The following MRTFA variants were observed in gnomAD, a reference collection of about 807,000 sequenced individuals.
The protein encoded by MRTFA is myocardin related transcription factor A.
MRTFA carries 20 observed loss-of-function variants against 83.5 expected under a neutral mutation model. The observed-to-expected ratio is 0.24, with a 90% CI of 0.17 to 0.35. The LOEUF is 0.35. MRTFA is among the 10% of genes least tolerant of loss of function. The pLI is 1.00. For missense variants in MRTFA, 1,200 were observed against 1,224.7 expected, an observed-to-expected ratio of 0.98 and a Z score of 0.30; for synonymous variants, 659 against 541.2, an observed-to-expected ratio of 1.22 and a Z score of -3.02.
At chr22:40,619,636 C>A (rs1185996859) in intron 1 of MRTFA, among the ~76,000 whole-genome samples, 1 of 151,854 alleles carries the variant, frequency 6.6e-6, no homozygotes, top group African/African-American at 2.4e-5. Context: ...ACACCTGTAA[C>A]CCCAGCACTT....
rs2052825897 is a variant in MRTFA, at chr22:40,421,001, G to A, written c.1027C>T (p.Pro343Ser). 2.5e-6 allele frequency: 4 copies of A among 1,604,544 alleles called. No homozygotes were observed. The highest frequency in any genetic ancestry group is 3.4e-5 in the Admixed American group (2 of 59,456). The change falls in exon 10 of 15, where the codon CCC becomes TCC. Residue 343 changes from proline to serine, a missense_variant. Transcript: ENST00000355630. ...CCCCTGTCCTGCTTCTGGTCCGGGG[G>A]GATGTACTGGTGGTACTTGAGCTTC...
chr22:40,539,536 C>A (rs1396360607), intron 3 of MRTFA, among the ~76,000 whole-genome samples: 1 of 135,642 alleles, frequency 7.4e-6, no homozygotes, highest in Non-Finnish European at 1.7e-5. Context: ...GACAGTCTTT[C>A]TCTGTAGCCA....
rs556711122 is a variant in MRTFA at position 40,576,279 on chromosome 22, C to T, written c.-22+18395G>A. ...CTCCTGACCTCAGGTGATCCACCTG[C>T]CTTGGCCTCCCAAAGTGCTGGGATT... On this transcript the variant is annotated intron_variant, in intron 2 of 14. Transcript: ENST00000355630. Among the ~76,000 whole-genome samples, 27 of 152,268 alleles carry T rather than the reference C, an allele frequency of 1.8e-4. No individual in the cohort carries two copies. The East Asian group carries it at 4.2e-3, about 24-fold the overall frequency.
chr22:40,502,152 G>A (rs1175562881), intron 3 of MRTFA, among the ~76,000 whole-genome samples: 13 of 141,544 alleles, frequency 9.2e-5, no homozygotes, highest in East Asian at 2.2e-4. Flanking sequence ...CTGGCCGGGC[G>A]GGGGGCTGAC....
At chr22:40,516,084 A>G (rs1166735705) in intron 3 of MRTFA, among the ~76,000 whole-genome samples, 1 of 152,174 alleles carries the variant, frequency 6.6e-6, no homozygotes, top group Non-Finnish European at 1.5e-5. Context: ...ATTTGCAAAC[A>G]TCTCAAGGAC....
At position 40,613,104 on chromosome 22, in the gene MRTFA, T is replaced by C. The variant is rs140369545; in HGVS notation, c.-83-18369A>G. On this transcript the variant is annotated intron_variant, in intron 1 of 14. Transcript: ENST00000355630. ...CTTATAAATGAAATCATATAGTAAG[T>C]TCTCTTTTGTTTTCTTTCACTCAAC... Among the ~76,000 whole-genome samples, 663 of 152,324 alleles carry C rather than the reference T, an allele frequency of 4.4e-3. 7 individuals are homozygous for C. Among genetic ancestry groups the C allele is most frequent in the African/African-American group, 0.015 (639 of 41,580 alleles).
chr22:40,547,710 T>C (rs549614748), intron 3 of MRTFA, among the ~76,000 whole-genome samples: 11 of 151,688 alleles, frequency 7.3e-5, no homozygotes, highest in Admixed American at 7.2e-4. Context: ...TAAAAATCAG[T>C]CTGGCGTGGT....
At chr22:40,494,599 C>T (rs1185699899) in intron 3 of MRTFA, among the ~76,000 whole-genome samples, 7 of 151,686 alleles carry the variant, frequency 4.6e-5, no homozygotes, top group South Asian at 2.1e-4. Context: ...GAGCATCACT[C>T]GAGCCCAGGG....
intron 7 of MRTFA, among the ~76,000 whole-genome samples, chr22:40,425,445 C>T (rs1293743699): frequency 1.3e-5 from 2 of 152,222 alleles, no homozygotes; most frequent in Non-Finnish European, 2.9e-5. Flanking sequence ...AGGAACAAAG[C>T]GCAACAGCTC....
intron 4 of MRTFA, among the ~76,000 whole-genome samples, chr22:40,437,297 G>A (rs1044708921): frequency 6.6e-5 from 10 of 152,006 alleles, no homozygotes; most frequent in East Asian, 5.8e-4. Flanking sequence ...GCAGGAACCC[G>A]GGTGTGATGC....
At chr22:40,470,232 TA>T (rs2053878051) in intron 3 of MRTFA, among the ~76,000 whole-genome samples, 1 of 2,498 alleles carries the variant, frequency 4.0e-4, no homozygotes, top group African/African-American at 1.0e-3. Flanking sequence ...TCCAAAATTT[TA>T]TATATATATA....
chr22:40,596,491 C>G (rs189562050), intron 1 of MRTFA, among the ~76,000 whole-genome samples: 9 of 152,186 alleles, frequency 5.9e-5, no homozygotes, highest in Admixed American at 5.2e-4. Context: ...ACCAGCCTGG[C>G]CCCATCTCTA....
rs895370448 is a variant in MRTFA, at chr22:40,518,620, C to T, written c.241+33486G>A. ...CATCCTGGCTAACAAGGTGAAACCC[C>T]GTCTCTACTAAAAATACAAAAAAAA... On this transcript the variant is annotated intron_variant, in intron 3 of 14. Transcript: ENST00000355630. Among the ~76,000 whole-genome samples, 5 of 151,602 alleles carry T rather than the reference C, an allele frequency of 3.3e-5. No homozygotes were observed. The South Asian group carries it at 1.0e-3, about 32-fold the overall frequency.
chr22:40,552,287 G>A lies in MRTFA; in HGVS notation c.60C>T (p.Asp20=), dbSNP rs189663887. The stretch of plus-strand genomic sequence containing the variant: ...CATCATTTTCGCCGGCCCCTCCTCC[G>A]TCCAGCCCATTCACAGCAATGACGG... The change falls in exon 3 of 15, where the codon GAC becomes GAT. Residue 20 remains aspartate, a synonymous_variant. Transcript: ENST00000355630. The A allele has an allele frequency of 2.0e-5, 8 of 398,958 alleles. 1 individual carries two copies. The highest frequency in any genetic ancestry group is 6.3e-4 in the Middle Eastern group (1 of 1,588). 24.7% of individuals were successfully genotyped at this position (398,958 alleles called of 1,614,324 possible).
chr22:40,615,829 T>G (rs949918481), intron 1 of MRTFA, among the ~76,000 whole-genome samples: 2 of 151,974 alleles, frequency 1.3e-5, no homozygotes, highest in African/African-American at 4.8e-5. Flanking sequence ...GAATTACAGA[T>G]GGCCACCACC....
intron 12 of MRTFA, 129 bp downstream of exon 12, chr22:40,418,245 T>C (rs2052730176): frequency 6.8e-7 from 1 of 1,474,008 alleles, no homozygotes. Flanking sequence ...ACCCCCCTGG[T>C]GAAGGAAGAT....
At chr22:40,631,033 C>T (rs756214485) in intron 1 of MRTFA, among the ~76,000 whole-genome samples, 13 of 152,162 alleles carry the variant, frequency 8.5e-5, no homozygotes, top group Non-Finnish European at 1.5e-4. Flanking sequence ...CCAGTAAATT[C>T]AAAGATACAA....
At chr22:40,452,801 G>A (rs1056648972) in intron 4 of MRTFA, among the ~76,000 whole-genome samples, 22 of 119,734 alleles carry the variant, frequency 1.8e-4, no homozygotes, top group African/African-American at 4.6e-4. Context: ...GCAACACTCC[G>A]TCTCAAAAAA....
At chr22:40,635,763 C>A (rs949514689) in intron 1 of MRTFA, among the ~76,000 whole-genome samples, 2 of 152,168 alleles carry the variant, frequency 1.3e-5, no homozygotes, top group East Asian at 1.9e-4. Context: ...TCGACACTTA[C>A]AACAAACAAC....
Sources: gnomAD v4.1 joint callset for allele counts (sites outside exome capture counted in the v4.1 genomes callset) on GRCh38, gnomAD v4.1.1 for gene constraint, MANE v1.5 for transcripts, NCBI Gene and HGNC (gene_info 2026-07-23, HGNC 2026-07-21) for gene names.